Variants in PHEX observed in about 807,000 individuals in gnomAD.
PHEX encodes the protein phosphate regulating endopeptidase X-linked.
In PHEX, 16 loss-of-function variants were observed where a neutral mutation model predicts 68.0. That is an observed-to-expected ratio of 0.24 (90% confidence interval 0.16 to 0.36). The LOEUF is 0.36. Among genes scored for constraint, PHEX ranks in the 10% least tolerant of loss-of-function variants. The probability of loss-of-function intolerance (pLI) is 1.00; values close to 1 mark genes in which losing one functional copy is unlikely to be tolerated. For missense variants in PHEX, 480 were observed against 575.5 expected (o/e 0.83, Z 1.70); for synonymous variants, 208 against 205.1 (o/e 1.01, Z -0.12).
At chrX:22,246,452 T>C (rs377487459) in intron 21 of PHEX, among the ~76,000 whole-genome samples, 3 of 111,821 alleles carry the variant, frequency 2.7e-5, no homozygotes, top group East Asian at 2.8e-4. Context: ...GACTATAAAT[T>C]ACCCACTAGC....
In PHEX at chrX:22,248,276, C is replaced by T. The variant is rs1936450481; in HGVS notation, c.*323C>T. ...GGGTGTTGGCCACAGTTATGTGGTA[C>T]ATAGCATTTCAATCTATAGCTTTGT... On this transcript the variant is annotated 3_prime_UTR_variant, in exon 22 of 22. Transcript: ENST00000379374. 3.8e-6 allele frequency: 1 copy of T among 263,239 alleles called. No individual in the cohort carries two copies. The highest frequency in any genetic ancestry group is 2.7e-5 in the African/African-American group (1 of 36,957). 21.7% of individuals were successfully genotyped at this position (263,239 alleles called of 1,213,427 possible). A position where few individuals can be genotyped will look rare whatever the true frequency, so the allele number is the denominator to read the frequency against.
rs1008617145 is a variant in PHEX at position 22,248,236 on chromosome X, C to T, written c.*283C>T. The T allele has an allele frequency of 2.9e-5, 10 of 342,580 alleles. No homozygotes were observed. The Admixed American group carries it at 4.6e-4, about 16-fold the overall frequency. The allele number at this position is 342,580 out of a possible 1,213,427, so 28.2% of individuals were successfully genotyped here. A position where few individuals can be genotyped will look rare whatever the true frequency, so the allele number is the denominator to read the frequency against. On this transcript the variant is annotated 3_prime_UTR_variant, in exon 22 of 22. Transcript: ENST00000379374. The stretch of plus-strand genomic sequence containing the variant: ...TAAAATGCTATCTGCTAAATTGTTG[C>T]TATTGTCCATTTTAGGGTGTTGGCC...
chrX:22,152,993 C>CT (rs796374231), intron 12 of PHEX, among the ~76,000 whole-genome samples: 354 of 98,649 alleles, frequency 3.6e-3, no homozygotes, highest in African/African-American at 6.8e-3. Context: ...AAATGATCAA[C>CT]TTTTTTTTTT....
chrX:22,232,375 G>T (rs954608733), intron 20 of PHEX, among the ~76,000 whole-genome samples: 3 of 110,117 alleles, frequency 2.7e-5, no homozygotes, highest in Admixed American at 9.7e-5. Context: ...GGGGCGTAAA[G>T]TCTCCCACGA....
intron 10 of PHEX, among the ~76,000 whole-genome samples, chrX:22,112,609 T>C (rs1382216188): frequency 9.0e-6 from 1 of 111,481 alleles, no homozygotes; most frequent in Non-Finnish European, 1.9e-5. Flanking sequence ...GTCACTAGCA[T>C]ATAAAGTTAC....
Position 22,249,208 on chromosome X carries a change from C to CGTGTGTGTGTGT in PHEX, c.*1276_*1287dup, listed in dbSNP as rs59496974. The CGTGTGTGTGTGT allele has an allele frequency of 0.08, 6,847 of 85,916 alleles. 444 individuals carry two copies. The highest frequency in any genetic ancestry group is 0.17 in the African/African-American group (3,440 of 20,359). 7.1% of individuals were successfully genotyped at this position (85,916 alleles called of 1,213,427 possible). On this transcript the variant is annotated 3_prime_UTR_variant, in exon 22 of 22. Transcript: ENST00000379374. ...AGTGAACTCCTTTCTTATTACTGAG[C>CGTGTGTGTGTGT]GTGTGTGTGTGTGTGTGTGTGTGTG...
At chrX:22,238,909 G>A (rs1367182972) in intron 20 of PHEX, among the ~76,000 whole-genome samples, 2 of 111,546 alleles carry the variant, frequency 1.8e-5, no homozygotes, top group South Asian at 3.8e-4. Context: ...AGTGGGTCCC[G>A]GACCCCCGTG....
Position 22,230,128 on chromosome X carries a change from C to CTGTT in PHEX, c.2070+2519_2070+2522dup, listed in dbSNP as rs757027650. Among the ~76,000 whole-genome samples the CTGTT allele has an allele frequency of 8.4e-5, 9 of 107,302 alleles. No homozygotes were observed. The South Asian group carries it at 3.7e-3, about 45-fold the overall frequency. 93.2% of individuals were successfully genotyped at this position (107,302 alleles called of 115,157 possible). A position where few individuals can be genotyped will look rare whatever the true frequency, so the allele number is the denominator to read the frequency against. ...TATCTGTTTTGGTACCAGCACCATG[C>CTGTT]TGTTTTGGATACTGCAGTCTTGTAG... On this transcript the variant is annotated intron_variant, in intron 20 of 21. Transcript: ENST00000379374.
chrX:22,092,738 T>C (rs1929946118), intron 6 of PHEX, among the ~76,000 whole-genome samples: 1 of 85,549 alleles, frequency 1.2e-5, no homozygotes, highest in Non-Finnish European at 2.1e-5. Flanking sequence ...CTTCTTTTCT[T>C]TTCTTTCTTT....
At chrX:22,038,942 A>G (rs1262065379) in intron 2 of PHEX, among the ~76,000 whole-genome samples, 1 of 111,658 alleles carries the variant, frequency 9.0e-6, no homozygotes, top group African/African-American at 3.3e-5. Flanking sequence ...CTCCTTTGCA[A>G]ATAAATCCAC....
chrX:22,040,573 G>A (rs921130320), intron 2 of PHEX, among the ~76,000 whole-genome samples: 13 of 112,199 alleles, frequency 1.2e-4, no homozygotes, highest in African/African-American at 3.6e-4. Context: ...TTGAAAAGCC[G>A]GAGGACATGA....
intron 5 of PHEX, among the ~76,000 whole-genome samples, chrX:22,085,561 C>T (rs1385921605): frequency 1.0e-5 from 1 of 98,366 alleles, no homozygotes. Context: ...GGCAACAAAG[C>T]GAGACTCCAT....
intron 9 of PHEX, among the ~76,000 whole-genome samples, chrX:22,107,904 A>G (rs1930773374): frequency 8.9e-6 from 1 of 112,077 alleles, no homozygotes; most frequent in Admixed American, 9.5e-5. Flanking sequence ...GAGTGAATGA[A>G]AGAAAGACCC....
chrX:22,176,503 A>G (rs1933716018), intron 13 of PHEX, among the ~76,000 whole-genome samples: 1 of 108,454 alleles, frequency 9.2e-6, no homozygotes, highest in South Asian at 4.0e-4. Flanking sequence ...GAACACATCT[A>G]TTTTAACACA....
intron 3 of PHEX, among the ~76,000 whole-genome samples, chrX:22,055,192 A>C (rs7062165): frequency 0.062 from 4,938 of 79,813 alleles, 551 homozygotes; most frequent in African/African-American, 0.2. Flanking sequence ...AAAAAAAAAA[A>C]AAAAAAAAAA....
chrX:22,225,262 A>G (rs922900794), intron 18 of PHEX, among the ~76,000 whole-genome samples: 16 of 110,432 alleles, frequency 1.4e-4, no homozygotes, highest in Non-Finnish European at 2.7e-4. Context: ...CACCTGGACA[A>G]TCCAGGATAA....
chrX:22,183,167 T>C (rs1016632777), intron 14 of PHEX, among the ~76,000 whole-genome samples: 8 of 111,012 alleles, frequency 7.2e-5, no homozygotes, highest in Non-Finnish European at 1.5e-4. Flanking sequence ...CCTAGTCTTT[T>C]GCTACTCTCC....
At chrX:22,221,460 T>C (rs934106316) in intron 17 of PHEX, among the ~76,000 whole-genome samples, 153 bp from the exon 18 acceptor site, 1 of 112,063 alleles carries the variant, frequency 8.9e-6, no homozygotes, top group African/African-American at 3.2e-5. Context: ...ACAATTAACC[T>C]GTGACATTGG....
intron 15 of PHEX, among the ~76,000 whole-genome samples, chrX:22,191,615 C>G (rs1376208432): frequency 8.9e-6 from 1 of 112,033 alleles, no homozygotes; most frequent in Non-Finnish European, 1.9e-5. Flanking sequence ...CAGGCCCCAC[C>G]TTAGGTCTAT....
Sources: gnomAD v4.1 joint callset for allele counts (sites outside exome capture counted in the v4.1 genomes callset) on GRCh38, gnomAD v4.1.1 for gene constraint, MANE v1.5 for transcripts, NCBI Gene and HGNC (gene_info 2026-07-23, HGNC 2026-07-21) for gene names.